ASTN2: variants seen among roughly 807,000 people sequenced by gnomAD.
The protein encoded by ASTN2 is astrotactin-2.
In ASTN2, 54 loss-of-function variants were observed where a neutral mutation model predicts 139.8. That is an observed-to-expected ratio of 0.39 (90% CI 0.31 to 0.48). ASTN2 has a LOEUF of 0.48. Ranked by LOEUF, ASTN2 falls within the 20% of genes least tolerant of loss-of-function variation. ASTN2 has a pLI of 0.95. For missense variants in ASTN2, 1,565 were observed against 1,725.1 expected (o/e 0.91, Z 1.64); for synonymous variants, 756 against 719.5 (o/e 1.05, Z -0.81).
At chr9:116,894,247 G>A (rs904746356) in intron 10 of ASTN2, among the ~76,000 whole-genome samples, 19 of 152,204 alleles carry the variant, frequency 1.2e-4, no homozygotes, top group African/African-American at 4.6e-4. Flanking sequence ...TTCAAAGGAA[G>A]TGGTAGGTAG....
At chr9:116,645,862 A>T (rs1188758444) in intron 17 of ASTN2, among the ~76,000 whole-genome samples, 2 of 152,226 alleles carry the variant, frequency 1.3e-5, no homozygotes, top group African/African-American at 4.8e-5. Context: ...TGTCCCTAGC[A>T]CTTTAGGTAC....
At chr9:116,479,941 T>C (rs1371596875) in intron 20 of ASTN2, among the ~76,000 whole-genome samples, 3 of 152,196 alleles carry the variant, frequency 2.0e-5, no homozygotes, top group African/African-American at 7.2e-5. Context: ...ACTAGCTTTG[T>C]GGCGGTAGTC....
chr9:117,101,759 A>G (rs148935883), intron 4 of ASTN2, among the ~76,000 whole-genome samples: 219 of 152,376 alleles, frequency 1.4e-3, no homozygotes, highest in African/African-American at 4.7e-3. Flanking sequence ...GTCTGATTCA[A>G]AAATGCTCTG....
At chr9:117,048,660 A>G (rs1459432677) in intron 5 of ASTN2, among the ~76,000 whole-genome samples, 1 of 152,200 alleles carries the variant, frequency 6.6e-6, no homozygotes, top group African/African-American at 2.4e-5. Context: ...AAGATGATAG[A>G]GATGGTACCG....
intron 4 of ASTN2, among the ~76,000 whole-genome samples, chr9:117,100,623 C>T (rs909617596): frequency 3.9e-5 from 6 of 152,182 alleles, no homozygotes; most frequent in African/African-American, 1.4e-4. Context: ...TATTGGAGAA[C>T]ACAGTTCTAG....
At chr9:117,360,612 G>A (rs973563010) in intron 1 of ASTN2, among the ~76,000 whole-genome samples, 5 of 152,114 alleles carry the variant, frequency 3.3e-5, no homozygotes, top group African/African-American at 1.2e-4. Flanking sequence ...TATGAGCTGT[G>A]CAGATAACCA....
intron 10 of ASTN2, among the ~76,000 whole-genome samples, chr9:116,891,750 T>C (rs922111938): frequency 2.0e-5 from 3 of 152,370 alleles, no homozygotes; most frequent in Admixed American, 2.0e-4. Context: ...CTTTCTTTTA[T>C]GTTTGACATG....
intron 10 of ASTN2, among the ~76,000 whole-genome samples, chr9:116,955,797 ATGT>A (rs1835689456): frequency 6.6e-6 from 1 of 152,348 alleles, no homozygotes; most frequent in African/African-American, 2.4e-5. Flanking sequence ...AGAATTACAA[ATGT>A]TGTCATTTAT....
intron 1 of ASTN2, among the ~76,000 whole-genome samples, chr9:117,327,234 C>A (rs72764163): frequency 0.13 from 19,485 of 152,106 alleles, 1,346 homozygotes; most frequent in African/African-American, 0.16. Flanking sequence ...CTGGTTCCCA[C>A]CAGGCCATGG....
At position 117,332,529 on chromosome 9, in the gene ASTN2, A is replaced by G. The variant is rs974038049; in HGVS notation, c.443-41016T>C. On this transcript the variant is annotated intron_variant, in intron 1 of 22. Transcript: ENST00000313400. ...TGCAGTGAACCAAGATTGCACCACTATACTTCAGCCTGGGTGACAGTGAGA... is the reference window on the plus strand; with the variant it reads ...TGCAGTGAACCAAGATTGCACCACTGTACTTCAGCCTGGGTGACAGTGAGA... Among the ~76,000 whole-genome samples, 3 of 152,128 alleles carry G rather than the reference A, an allele frequency of 2.0e-5. 1 individual carries two copies. In the South Asian group the frequency reaches 6.2e-4, roughly 32 times the overall value.
chr9:116,835,803 TAG>T (rs1473497776), intron 11 of ASTN2, among the ~76,000 whole-genome samples: 1 of 152,192 alleles, frequency 6.6e-6, no homozygotes, highest in Non-Finnish European at 1.5e-5. Flanking sequence ...TTATTTATTT[TAG>T]AGAGAGGTTC....
chr9:116,971,306 C>A (rs200431994), intron 10 of ASTN2, among the ~76,000 whole-genome samples: 1 of 152,146 alleles, frequency 6.6e-6, no homozygotes, highest in Non-Finnish European at 1.5e-5. Context: ...TTTTATTTTG[C>A]CCTTCAACCC....
At chr9:117,025,801 T>TTA (rs1015828512) in intron 6 of ASTN2, among the ~76,000 whole-genome samples, 31 of 151,274 alleles carry the variant, frequency 2.0e-4, no homozygotes, top group African/African-American at 6.5e-4. Flanking sequence ...TTCTTTTCTT[T>TTA]TTTTTTTTTT....
chr9:117,227,305 A>G (rs754927326), intron 2 of ASTN2, among the ~76,000 whole-genome samples: 1 of 152,140 alleles, frequency 6.6e-6, no homozygotes, highest in South Asian at 2.1e-4. Context: ...ATTATATTAC[A>G]CACTAATTTG....
At chr9:116,686,564 T>C (rs913344768) in intron 16 of ASTN2, 9 of 893,508 alleles carry the variant, frequency 1.0e-5, no homozygotes, top group Non-Finnish European at 1.4e-5. Flanking sequence ...GCCAGTCCTG[T>C]ATCAGACCTC....
At chr9:117,253,110 G>T (rs1224214029) in intron 2 of ASTN2, among the ~76,000 whole-genome samples, 2 of 152,130 alleles carry the variant, frequency 1.3e-5, no homozygotes, top group African/African-American at 4.8e-5. Flanking sequence ...GGCAGTCATT[G>T]GTGGCAAGGT....
At chr9:116,762,942 C>T (rs1184190517) in intron 13 of ASTN2, among the ~76,000 whole-genome samples, 1 of 152,218 alleles carries the variant, frequency 6.6e-6, no homozygotes, top group Non-Finnish European at 1.5e-5. Context: ...CTCTCCGTTT[C>T]ACAGATGATG....
chr9:116,883,233 T>C (rs962711056), intron 10 of ASTN2, among the ~76,000 whole-genome samples: 1 of 152,204 alleles, frequency 6.6e-6, no homozygotes, highest in Admixed American at 6.5e-5. Context: ...GTATAACTGA[T>C]GATATGGAAA....
chr9:116,601,288 C>T (rs182307949), intron 19 of ASTN2, among the ~76,000 whole-genome samples: 112 of 152,274 alleles, frequency 7.4e-4, no homozygotes, highest in African/African-American at 2.5e-3. Context: ...AAGTTTTCAT[C>T]TGGAAGTTAG....
Sources: gnomAD v4.1 joint callset for allele counts (sites outside exome capture counted in the v4.1 genomes callset) on GRCh38, gnomAD v4.1.1 for gene constraint, MANE v1.5 for transcripts, NCBI Gene and HGNC (gene_info 2026-07-23, HGNC 2026-07-21) for gene names.